Variants in LAMA2 observed in about 807,000 individuals in gnomAD.
LAMA2 encodes the protein laminin subunit alpha 2.
LAMA2 carries 269 observed loss-of-function variants against 364.8 expected under a neutral mutation model. The ratio of observed to expected loss-of-function variants is 0.74; its 90% confidence interval spans 0.67 to 0.82. The LOEUF (loss-of-function observed/expected upper bound fraction) is 0.82. LAMA2 is among the 40% of genes least tolerant of loss of function. The pLI is 0.00. For missense variants in LAMA2, 3,807 were observed against 3,873.2 expected (o/e 0.98, Z 0.45); for synonymous variants, 1,379 against 1,370.6 (o/e 1.01, Z -0.14).
At chr6:129,341,854 A>G (rs1583534858) in intron 29 of LAMA2, among the ~76,000 whole-genome samples, 1 of 152,356 alleles carries the variant, frequency 6.6e-6, no homozygotes. Context: ...CTCTGTATTT[A>G]TGAAGAACCA....
intron 15 of LAMA2, among the ~76,000 whole-genome samples, chr6:129,266,693 T>G (rs895330398): frequency 2.0e-5 from 3 of 152,140 alleles, no homozygotes; most frequent in African/African-American, 7.2e-5. Flanking sequence ...GAATCAAAAT[T>G]GCTTGGGATG....
chr6:129,246,789 G>A (rs948739241), intron 12 of LAMA2, among the ~76,000 whole-genome samples: 4 of 152,128 alleles, frequency 2.6e-5, no homozygotes, highest in Non-Finnish European at 5.9e-5. Flanking sequence ...GGCACAAAAC[G>A]AAGGCGGCAC....
chr6:129,429,832 C>G (rs1781502123), intron 41 of LAMA2, among the ~76,000 whole-genome samples: 1 of 152,166 alleles, frequency 6.6e-6, no homozygotes, highest in Non-Finnish European at 1.5e-5. Context: ...GCCCTCGCCT[C>G]TATTTCCCCA....
intron 4 of LAMA2, among the ~76,000 whole-genome samples, chr6:129,109,286 C>T (rs1029462857): frequency 2.0e-5 from 3 of 152,182 alleles, no homozygotes; most frequent in Admixed American, 1.3e-4. Flanking sequence ...GGCAACAGAA[C>T]CCATGTTGTG....
At chr6:129,296,320 T>A (rs1217881364) in intron 20 of LAMA2, among the ~76,000 whole-genome samples, 2 of 151,996 alleles carry the variant, frequency 1.3e-5, no homozygotes, top group Non-Finnish European at 2.9e-5. Flanking sequence ...ATAATGATAT[T>A]ATATGGTTAG....
At chr6:129,019,725 T>A (rs1465185425) in intron 1 of LAMA2, among the ~76,000 whole-genome samples, 1 of 152,210 alleles carries the variant, frequency 6.6e-6, no homozygotes, top group African/African-American at 2.4e-5. Context: ...ATAATCTTTA[T>A]TCCCTACTAA....
Position 128,928,898 on chromosome 6 carries a change from C to A in LAMA2, c.112+45541C>A. On this transcript the variant is annotated intron_variant, in intron 1 of 64. Coordinates refer to ENST00000421865, the MANE Select transcript of LAMA2 (RefSeq NM_000426.4). ...AGAGAATAGTGTTTGATGGCCAGGA[C>A]CTCTTTTGGGCATTTCTTCCTAAGT... The A allele has an allele frequency of 4.3e-6, 3 of 701,036 alleles. No homozygotes were observed. The South Asian group carries it at 4.9e-5, about 11-fold the overall frequency. 43.4% of individuals were successfully genotyped at this position (701,036 alleles called of 1,614,324 possible).
chr6:129,360,075 T>C (rs1777374480), intron 32 of LAMA2, among the ~76,000 whole-genome samples: 1 of 152,134 alleles, frequency 6.6e-6, no homozygotes, highest in Non-Finnish European at 1.5e-5. Context: ...TCTTGAAATA[T>C]TTGCTTTTGC....
intron 41 of LAMA2, among the ~76,000 whole-genome samples, chr6:129,431,228 G>A (rs987065491): frequency 2.0e-5 from 3 of 151,942 alleles, no homozygotes; most frequent in Non-Finnish European, 2.9e-5. Context: ...GTGAAACCCT[G>A]TCTCTACTAA....
intron 18 of LAMA2, among the ~76,000 whole-genome samples, chr6:129,282,267 T>C (rs1249159174): frequency 6.6e-6 from 1 of 152,218 alleles, no homozygotes; most frequent in Non-Finnish European, 1.5e-5. Flanking sequence ...CAGCATTTCC[T>C]AAACTTATGT....
chr6:129,463,070 C>A, intron 49 of LAMA2, among the ~76,000 whole-genome samples: 1 of 151,892 alleles, frequency 6.6e-6, no homozygotes, highest in South Asian at 2.1e-4. Flanking sequence ...GGGGAAAAAT[C>A]TGCTGCAAGT....
chr6:129,300,853 G>A lies in LAMA2; in HGVS notation c.3155G>A (p.Ser1052Asn), dbSNP rs1583447794. 6.2e-7 allele frequency: 1 copy of A among 1,613,794 alleles called. No individual in the cohort carries two copies. The change falls in exon 22 of 65, where the codon AGC (serine) becomes AAC (asparagine). Residue 1052 changes from serine to asparagine, a missense_variant. Around this residue, in one of 3 missense-constraint regions of LAMA2, gnomAD observed 3,333 missense variants for 3,345.7 expected, o/e 1.00. Transcript: ENST00000421865. ...TGTGCACCCAATACCTGGGGCCACA[G>A]CATTACCACTGGTTGTAAGGTGAGT... ...SKCAPNTWGH[S>N]ITTGCKACNC...
intron 1 of LAMA2, among the ~76,000 whole-genome samples, chr6:129,023,620 T>A (rs566358570): frequency 2.0e-5 from 3 of 152,174 alleles, no homozygotes; most frequent in Non-Finnish European, 4.4e-5. Flanking sequence ...ACCATTCTCA[T>A]TGATTTTACC....
intron 3 of LAMA2, among the ~76,000 whole-genome samples, chr6:129,088,178 C>T (rs1316880096): frequency 6.8e-6 from 1 of 147,530 alleles, no homozygotes; most frequent in Non-Finnish European, 1.5e-5. Context: ...CCTGAGTGGA[C>T]ACAGCACATG....
At chr6:128,904,585 G>C (rs1777300555) in intron 1 of LAMA2, among the ~76,000 whole-genome samples, 1 of 151,622 alleles carries the variant, frequency 6.6e-6, no homozygotes, top group South Asian at 2.1e-4. Context: ...CTCCTGAGTA[G>C]CTGGGATTAC....
intron 60 of LAMA2, among the ~76,000 whole-genome samples, chr6:129,504,432 A>C (rs1785895548): frequency 1.3e-5 from 2 of 152,250 alleles, no homozygotes; most frequent in African/African-American, 4.8e-5. Context: ...TTACTTCCCA[A>C]ACCAGAATAG....
At chr6:129,019,730 T>C (rs1785297822) in intron 1 of LAMA2, among the ~76,000 whole-genome samples, 1 of 152,210 alleles carries the variant, frequency 6.6e-6, no homozygotes, top group African/African-American at 2.4e-5. Flanking sequence ...CTTTATTCCC[T>C]ACTAACATTT....
At chr6:129,307,851 G>C (rs895357636) in intron 22 of LAMA2, among the ~76,000 whole-genome samples, 1 of 152,164 alleles carries the variant, frequency 6.6e-6, no homozygotes, top group Non-Finnish European at 1.5e-5. Context: ...TATGTTAGTG[G>C]GAGTCGTTCC....
At position 129,024,312 on chromosome 6, in the gene LAMA2, G is replaced by A. The variant is rs148981629; in HGVS notation, c.113-25606G>A. On this transcript the variant is annotated intron_variant, in intron 1 of 64. Coordinates refer to ENST00000421865, the MANE Select transcript of LAMA2 (RefSeq NM_000426.4). The stretch of plus-strand genomic sequence containing the variant: ...ATAGACTCAATTCTTAATTCCTAGA[G>A]GAAACAGAGTTATGTCCAAGGAACA... Among the ~76,000 whole-genome samples, 454 of 151,026 alleles carry A rather than the reference G, an allele frequency of 3.0e-3. 3 individuals carry two copies. The highest frequency in any genetic ancestry group is 0.01 in the African/African-American group (421 of 41,240).
Sources: allele counts gnomAD v4.1 joint callset (sites outside exome capture counted in the v4.1 genomes callset), GRCh38; gene constraint gnomAD v4.1.1; regional missense constraint gnomAD v4.1.1; transcripts MANE v1.5; gene names NCBI Gene and HGNC (gene_info 2026-07-23, HGNC 2026-07-21).